The following CGB5 variants were observed in gnomAD, a reference collection of about 807,000 sequenced individuals.
CGB5 encodes chorionic gonadotropin, beta polypeptide 5.
Under a neutral mutation model 7.6 loss-of-function variants are expected in CGB5, and 2 were observed. That is an observed-to-expected ratio of 0.26 (90% CI 0.11 to 0.83). The LOEUF (loss-of-function observed/expected upper bound fraction) is 0.83, where lower values mean the gene tolerates loss of function less well. CGB5 is among the 40% of genes least tolerant of loss of function. The pLI is 0.65. For missense variants in CGB5, 48 were observed against 228.2 expected (o/e 0.21, Z 5.09); for synonymous variants, 25 against 99.8 (o/e 0.25, Z 4.47).
chr19:49,044,089 C>G lies in CGB5; in HGVS notation c.-121C>G, dbSNP rs1250396160. ...TGCGCCCCCCTGGCCTTGTCTACCTCTTGCCCCCCGAAGGGTTAGTGTCGA... is the reference window on the plus strand; with the variant it reads ...TGCGCCCCCCTGGCCTTGTCTACCTGTTGCCCCCCGAAGGGTTAGTGTCGA... On this transcript the variant is annotated 5_prime_UTR_variant, in exon 1 of 3. Coordinates refer to ENST00000301408, the MANE Select transcript of CGB5 (RefSeq NM_033043.2). 3 of 1,588,384 alleles carry G rather than the reference C, an allele frequency of 1.9e-6. No homozygotes were observed. Among genetic ancestry groups the G allele is most frequent in the Non-Finnish European group, 2.6e-6 (3 of 1,159,312 alleles).
intron 2 of CGB5, 47 bp from the exon 3 acceptor site, chr19:49,044,933 C>T (rs746623306): frequency 1.1e-5 from 18 of 1,592,030 alleles, no homozygotes; most frequent in African/African-American, 1.0e-4. Flanking sequence ...TCAGCTGAGG[C>T]GCTGGCCCCA....
In CGB5 at chr19:49,044,107, A is replaced by T. The variant is rs1307499041; in HGVS notation, c.-103A>T. ...TCTACCTCTTGCCCCCCGAAGGGTTAGTGTCGAGCTCACCCCAGCATCCTA... is the reference window on the plus strand; with the variant it reads ...TCTACCTCTTGCCCCCCGAAGGGTTTGTGTCGAGCTCACCCCAGCATCCTA... On this transcript the variant is annotated 5_prime_UTR_variant, in exon 1 of 3. Transcript: ENST00000301408. The T allele has an allele frequency of 1.2e-6, 2 of 1,609,250 alleles. No individual in the cohort carries two copies. Among genetic ancestry groups the T allele is most frequent in the Middle Eastern group, 1.7e-4 (1 of 6,002 alleles).
rs755168209 is a variant in CGB5, at chr19:49,044,226, T to A, written c.15+2T>A. The A allele has an allele frequency of 2.8e-5, 45 of 1,613,280 alleles. No individual in the cohort carries two copies. Among genetic ancestry groups the A allele is most frequent in the East Asian group, 1.3e-4 (6 of 44,876 alleles). On this transcript the variant is annotated splice_donor_variant, in intron 1 of 2. Transcript: ENST00000301408. LOFTEE classifies it high-confidence loss of function. ...GCACCAAGGATGGAGATGTTCCAGGTAAGACTGCAGGGCCCCTGGGCACCT... is the reference window on the plus strand; with the variant it reads ...GCACCAAGGATGGAGATGTTCCAGGAAAGACTGCAGGGCCCCTGGGCACCT...
chr19:49,043,867 G>A lies in CGB5; in HGVS notation c.-343G>A, dbSNP rs568736052. On this transcript the variant is annotated 5_prime_UTR_variant, in exon 1 of 3. Coordinates refer to ENST00000301408, the MANE Select transcript of CGB5 (RefSeq NM_033043.2). Reference sequence around the variant, plus strand: ...CAATCCAGCACTTTGCTCGGGTCACGGCCTCCTCCTGGCTCCCAGGACCCC... The same window carrying A: ...CAATCCAGCACTTTGCTCGGGTCACAGCCTCCTCCTGGCTCCCAGGACCCC... 29 of 1,274,904 alleles carry A rather than the reference G, an allele frequency of 2.3e-5. No homozygotes were observed. Among genetic ancestry groups the A allele is most frequent in the Middle Eastern group, 3.0e-4 (1 of 3,288 alleles). The allele number at this position is 1,274,904 out of a possible 1,614,324, so 79.0% of individuals were successfully genotyped here.
chr19:49,044,224 G>C lies in CGB5; in HGVS notation c.15G>C (p.Gln5His), dbSNP rs750188047. The part of the protein sequence containing the change: MEMF[Q>H]GLLLLLLLSM... ...ACGCACCAAGGATGGAGATGTTCCA[G>C]GTAAGACTGCAGGGCCCCTGGGCAC... The change falls in exon 1 of 3, where the codon CAG (glutamine) becomes CAC (histidine). Residue 5 changes from glutamine to histidine, a missense_variant and splice_region_variant. By Grantham distance (24) the Gln-to-His change is conservative (BLOSUM62 0). Coordinates refer to ENST00000301408, the MANE Select transcript of CGB5 (RefSeq NM_033043.2). 5 of 1,613,500 alleles carry C rather than the reference G, an allele frequency of 3.1e-6. No homozygotes were observed.
At position 49,044,209 on chromosome 19, in the gene CGB5, G is replaced by T; in HGVS notation, c.-1G>T. On this transcript the variant is annotated 5_prime_UTR_variant, in exon 1 of 3. Transcript: ENST00000301408. ...TACACGAGGCAGGGGACGCACCAAG[G>T]ATGGAGATGTTCCAGGTAAGACTGC... 6.2e-7 allele frequency: 1 copy of T among 1,613,620 alleles called. No individual in the cohort carries two copies. The highest frequency in any genetic ancestry group is 2.2e-5 in the East Asian group (1 of 44,878).
At chr19:49,044,488 T>C (rs999038113) in intron 1 of CGB5, 89 bp from the exon 2 acceptor site, 7 of 1,404,478 alleles carry the variant, frequency 5.0e-6, no homozygotes, top group Non-Finnish European at 6.6e-6. Flanking sequence ...GGTCTCTGGG[T>C]CTTTGTGGGT....
chr19:49,044,220 T>C lies in CGB5; in HGVS notation c.11T>C (p.Phe4Ser), dbSNP rs146912876. 21 of 1,613,470 alleles carry C rather than the reference T, an allele frequency of 1.3e-5. No individual in the cohort carries two copies. The highest frequency in any genetic ancestry group is 1.7e-5 in the Admixed American group (1 of 59,988). Residue 4 changes from phenylalanine (F) to serine (S), a missense_variant, in exon 1 of 3, where the codon TTC becomes TCC. Around this residue, in one of 3 missense-constraint regions of CGB5, gnomAD observed 9 missense variants for 16.6 expected, o/e 0.54. Coordinates refer to ENST00000301408, the MANE Select transcript of CGB5 (RefSeq NM_033043.2). ...GGGGACGCACCAAGGATGGAGATGT[T>C]CCAGGTAAGACTGCAGGGCCCCTGG... is the stretch of plus-strand genomic sequence containing the variant. MEMFQGLLLLLLLS... is the reference protein window; with the variant it reads MEMSQGLLLLLLLS...
rs758607531 is a variant in CGB5, at chr19:49,044,151, G to C, written c.-59G>C. 41 of 1,613,690 alleles carry C rather than the reference G, an allele frequency of 2.5e-5. No homozygotes were observed. The highest frequency in any genetic ancestry group is 3.1e-5 in the Non-Finnish European group (37 of 1,179,854). On this transcript the variant is annotated 5_prime_UTR_variant, in exon 1 of 3. Coordinates refer to ENST00000301408, the MANE Select transcript of CGB5 (RefSeq NM_033043.2). ...CATCCTACAACCTCCTGGTGGCCTTGCCGCCCCCACAACCCCGAGGTATAA... is the reference window on the plus strand; with the variant it reads ...CATCCTACAACCTCCTGGTGGCCTTCCCGCCCCCACAACCCCGAGGTATAA...
chr19:49,043,982 A>T lies in CGB5; in HGVS notation c.-228A>T, dbSNP rs62126046. The T allele has an allele frequency of 8.6e-7, 1 of 1,166,166 alleles. No homozygotes were observed. 72.2% of individuals were successfully genotyped at this position (1,166,166 alleles called of 1,614,324 possible). A position where few individuals can be genotyped will look rare whatever the true frequency, so the allele number is the denominator to read the frequency against. On this transcript the variant is annotated 5_prime_UTR_variant, in exon 1 of 3. Coordinates refer to ENST00000301408, the MANE Select transcript of CGB5 (RefSeq NM_033043.2). ...AGCACTCGACGACTGAGTCTCTGAG[A>T]TCACTTCACCGTGGTCTCCGCCTCA...
Position 49,045,210 on chromosome 19 carries a change from C to G in CGB5, c.414C>G (p.Ser138=). 7 of 1,593,266 alleles carry G rather than the reference C, an allele frequency of 4.4e-6. No individual in the cohort carries two copies. The highest frequency in any genetic ancestry group is 6.0e-6 in the Non-Finnish European group (7 of 1,170,794). The change falls in exon 3 of 3, where the codon TCC becomes TCG. Residue 138 remains serine, a synonymous_variant. Transcript: ENST00000301408. ...GTGATGACCCCCGCTTCCAGGACTC[C>G]TCTTCCTCAAAGGCCCCTCCCCCCA... The part of the protein sequence containing the change: ...LTCDDPRFQD[S]SSSKAPPPSL...
rs2039918055 is a variant in CGB5, at chr19:49,044,523, C to A, written c.16-54C>A. On this transcript the variant is annotated intron_variant, in intron 1 of 2. Transcript: ENST00000301408. ...TGGTGTACCACGCGGGATGGGAAGG[C>A]CAGGACTCGGGGCTGCGGTCTCAGA... 4.1e-6 allele frequency: 6 copies of A among 1,460,210 alleles called. No individual in the cohort carries two copies. In the East Asian group the frequency reaches 1.2e-4, roughly 30 times the overall value. The allele number at this position is 1,460,210 out of a possible 1,614,324, so 90.5% of individuals were successfully genotyped here. A position where few individuals can be genotyped will look rare whatever the true frequency, so the allele number is the denominator to read the frequency against.
intron 2 of CGB5, 73 bp from the exon 3 acceptor site, chr19:49,044,907 G>T (rs910361473): frequency 1.3e-6 from 2 of 1,590,746 alleles, no homozygotes; most frequent in Non-Finnish European, 8.5e-7. Context: ...GAGACCTGTG[G>T]GGGCAACTGG....
intron 1 of CGB5, 163 bp from the exon 2 acceptor site, chr19:49,044,414 T>A: frequency 1.0e-6 from 1 of 982,038 alleles, no homozygotes; most frequent in Non-Finnish European, 1.2e-6. Flanking sequence ...TCCTCTGGGC[T>A]GTGGGGTGGG....
At chr19:49,044,815 G>A in intron 2 of CGB5, 71 bp downstream of exon 2, 1 of 1,106,850 alleles carries the variant, frequency 9.0e-7, no homozygotes, top group East Asian at 2.6e-5. Flanking sequence ...GGGGGAGGAA[G>A]GGTGGTCTGC....
Position 49,043,919 on chromosome 19 carries a change from C to T in CGB5, c.-291C>T, listed in dbSNP as rs192602502. ...CCATAGGCAGAGGCAGGCCTTCCTA[C>T]ACCCTACTCCCTGTGCCTCCAGGCT... On this transcript the variant is annotated 5_prime_UTR_variant, in exon 1 of 3. Coordinates refer to ENST00000301408, the MANE Select transcript of CGB5 (RefSeq NM_033043.2). 2.8e-3 allele frequency: 3,308 copies of T among 1,174,236 alleles called. 39 individuals carry two copies. The African/African-American group carries it at 0.047, about 17-fold the overall frequency. The allele number at this position is 1,174,236 out of a possible 1,614,324, so 72.7% of individuals were successfully genotyped here. A position where few individuals can be genotyped will look rare whatever the true frequency, so the allele number is the denominator to read the frequency against.
chr19:49,044,239 C>T lies in CGB5; in HGVS notation c.15+15C>T, dbSNP rs374966503. ...AGATGTTCCAGGTAAGACTGCAGGG[C>T]CCCTGGGCACCTTCCACCTCCTTCC... On this transcript the variant is annotated intron_variant, in intron 1 of 2. Transcript: ENST00000301408. 1.0e-4 allele frequency: 162 copies of T among 1,613,044 alleles called. No individual in the cohort carries two copies. Among genetic ancestry groups the T allele is most frequent in the Non-Finnish European group, 1.3e-4 (158 of 1,179,772 alleles).
Position 49,044,200 on chromosome 19 carries a change from C to A in CGB5, c.-10C>A. The A allele has an allele frequency of 1.2e-6, 2 of 1,613,610 alleles. No homozygotes were observed. Among genetic ancestry groups the A allele is most frequent in the Non-Finnish European group, 1.7e-6 (2 of 1,179,824 alleles). On this transcript the variant is annotated 5_prime_UTR_variant, in exon 1 of 3. Transcript: ENST00000301408. Reference sequence around the variant, plus strand: ...AAAGCCAGGTACACGAGGCAGGGGACGCACCAAGGATGGAGATGTTCCAGG... The same window carrying A: ...AAAGCCAGGTACACGAGGCAGGGGAAGCACCAAGGATGGAGATGTTCCAGG...
chr19:49,044,181 A>G lies in CGB5; in HGVS notation c.-29A>G. ...CCCCACAACCCCGAGGTATAAAGCC[A>G]GGTACACGAGGCAGGGGACGCACCA... On this transcript the variant is annotated 5_prime_UTR_variant, in exon 1 of 3. Transcript: ENST00000301408. The G allele has an allele frequency of 6.2e-7, 1 of 1,613,848 alleles. No homozygotes were observed. Among genetic ancestry groups the G allele is most frequent in the Non-Finnish European group, 8.5e-7 (1 of 1,179,874 alleles).
Sources: allele counts gnomAD v4.1 joint callset, GRCh38; gene constraint gnomAD v4.1.1; regional missense constraint gnomAD v4.1.1; transcripts MANE v1.5; gene names NCBI Gene and HGNC (gene_info 2026-07-23, HGNC 2026-07-21).